Variants in CYB5R4 observed in about 807,000 individuals in gnomAD.
CYB5R4 encodes N-terminal cytochrome b5 and cytochrome b5 oxidoreductase domain-containing protein.
CYB5R4 carries 55 observed loss-of-function variants against 70.2 expected under a neutral mutation model. The ratio of observed to expected loss-of-function variants is 0.78; its 90% CI spans 0.63 to 0.98. The LOEUF (loss-of-function observed/expected upper bound fraction) is 0.98, where lower values mean the gene tolerates loss of function less well. Ranked by LOEUF, CYB5R4 falls within the 50% of genes least tolerant of loss-of-function variation. The probability of loss-of-function intolerance (pLI) is 0.00; values close to 1 mark genes in which losing one functional copy is unlikely to be tolerated. For missense variants in CYB5R4, 562 were observed against 612.6 expected (o/e 0.92, Z 0.87); for synonymous variants, 197 against 199.5 (o/e 0.99, Z 0.11).
In CYB5R4 at chr6:83,961,805, C is replaced by T. The variant is rs2099473393; in HGVS notation, c.*1927C>T. 1 of 151,950 alleles carries T rather than the reference C, an allele frequency of 6.6e-6. No homozygotes were observed. Among genetic ancestry groups the T allele is most frequent in the Non-Finnish European group, 1.5e-5 (1 of 67,982 alleles). The allele number at this position is 151,950 out of a possible 1,614,324, so 9.4% of individuals were successfully genotyped here. On this transcript the variant is annotated 3_prime_UTR_variant, in exon 16 of 16. Transcript: ENST00000369681. The stretch of plus-strand genomic sequence containing the variant: ...GCCTCTTCTTTTTTCTCTCTCCTTT[C>T]CCAAGCAACAGAATCTCCTATTAGT...
At chr6:83,934,522 G>C in intron 10 of CYB5R4, 73 bp from the exon 11 acceptor site, 1 of 1,105,324 alleles carries the variant, frequency 9.0e-7, no homozygotes, top group East Asian at 2.5e-5. Context: ...CTGAGTATAT[G>C]CTTTCTCTTA....
At chr6:83,925,171 A>G (rs1249374008) in intron 10 of CYB5R4, among the ~76,000 whole-genome samples, 1 of 152,148 alleles carries the variant, frequency 6.6e-6, no homozygotes, top group Non-Finnish European at 1.5e-5. Flanking sequence ...ACTTACAATC[A>G]TAGCAGAAGG....
chr6:83,929,457 C>T (rs2099467813), intron 10 of CYB5R4: 1 of 152,140 alleles, frequency 6.6e-6, no homozygotes, highest in Non-Finnish European at 1.5e-5. Flanking sequence ...TCAGAAAGAA[C>T]ATCAATCAGA....
rs1450460966 is a variant in CYB5R4, at chr6:83,864,193, A to T, written c.94A>T (p.Arg32Ter). 1 of 1,606,688 alleles carries T rather than the reference A, an allele frequency of 6.2e-7. No homozygotes were observed. Among genetic ancestry groups the T allele is most frequent in the East Asian group, 2.2e-5 (1 of 44,632 alleles). ...TTTTTAGGTACCTTTAAAACAGGGC[A>T]GAAGCCTTATGGATTGGATTCGACT... ...GRSKVPLKQG[R>*]SLMDWIRLTK... is the part of the protein sequence containing the mutation. Residue 32 changes from arginine to a stop codon, truncating the protein, a stop_gained, in exon 2 of 16, where the codon AGA becomes TGA. Coordinates refer to ENST00000369681, the MANE Select transcript of CYB5R4 (RefSeq NM_016230.4). LOFTEE classifies it high-confidence loss of function.
chr6:83,895,458 G>C (rs1331978707), intron 3 of CYB5R4, among the ~76,000 whole-genome samples: 1 of 152,110 alleles, frequency 6.6e-6, no homozygotes, highest in African/African-American at 2.4e-5. Context: ...GAGCCATTGC[G>C]CCTGGCCTGG....
At position 83,948,621 on chromosome 6, in the gene CYB5R4, A is replaced by G. The variant is rs550673259; in HGVS notation, c.1347-6677A>G. Among the ~76,000 whole-genome samples, 403 of 152,326 alleles carry G rather than the reference A, an allele frequency of 2.6e-3. 1 individual carries two copies. Among genetic ancestry groups the G allele is most frequent in the African/African-American group, 9.2e-3 (382 of 41,566 alleles). ...TTCTTTTAGATAGTTACCTTATAAA[A>G]GCAATTTTGTAAAATTTTATTTTTT... On this transcript the variant is annotated intron_variant, in intron 14 of 15. Coordinates refer to ENST00000369681, the MANE Select transcript of CYB5R4 (RefSeq NM_016230.4).
At chr6:83,876,264 CTG>C (rs953751538) in intron 2 of CYB5R4, among the ~76,000 whole-genome samples, 4 of 152,114 alleles carry the variant, frequency 2.6e-5, no homozygotes, top group African/African-American at 7.2e-5. Context: ...ACTTTGCACA[CTG>C]TGGGGATTGG....
In CYB5R4 at chr6:83,960,575, T is replaced by A. The variant is rs1243137934; in HGVS notation, c.*697T>A. Reference sequence around the variant, plus strand: ...TTAACAGAGCTTGAGAGAGGGAACCTTGACAGCTATTTTTACTCTTAGCCA... The same window carrying A: ...TTAACAGAGCTTGAGAGAGGGAACCATGACAGCTATTTTTACTCTTAGCCA... On this transcript the variant is annotated 3_prime_UTR_variant, in exon 16 of 16. Transcript: ENST00000369681. 1 of 152,178 alleles carries A rather than the reference T, an allele frequency of 6.6e-6. No homozygotes were observed. Among genetic ancestry groups the A allele is most frequent in the Non-Finnish European group, 1.5e-5 (1 of 68,030 alleles). The allele number at this position is 152,178 out of a possible 1,614,324, so 9.4% of individuals were successfully genotyped here.
intron 2 of CYB5R4, among the ~76,000 whole-genome samples, chr6:83,886,677 A>G (rs2099460298): frequency 6.6e-6 from 1 of 152,180 alleles, no homozygotes; most frequent in East Asian, 1.9e-4. Context: ...TTAAATTGTA[A>G]TATCTGTTAT....
rs144837560 is a variant in CYB5R4, at chr6:83,880,862, G to A, written c.230-12660G>A. Among the ~76,000 whole-genome samples the A allele has an allele frequency of 4.6e-5, 7 of 152,174 alleles. No homozygotes were observed. In the East Asian group the frequency reaches 7.7e-4, roughly 17 times the overall value. On this transcript the variant is annotated intron_variant, in intron 2 of 15. Transcript: ENST00000369681. ...CCTGCATTGGCATCAATATTGGGCC[G>A]GTCTACTCTCACTAAGAAGAATCCT...
chr6:83,913,707 A>T (rs1230798090), intron 4 of CYB5R4, among the ~76,000 whole-genome samples: 3 of 152,156 alleles, frequency 2.0e-5, no homozygotes, highest in East Asian at 1.9e-4. Context: ...TTAAGAAATG[A>T]TGTCTTTCCA....
At chr6:83,885,885 T>G (rs1235658547) in intron 2 of CYB5R4, among the ~76,000 whole-genome samples, 2 of 152,080 alleles carry the variant, frequency 1.3e-5, no homozygotes, top group Non-Finnish European at 2.9e-5. Flanking sequence ...TACTTTTAGT[T>G]GTATATACTC....
At chr6:83,894,650 C>A (rs1287142460) in intron 3 of CYB5R4, among the ~76,000 whole-genome samples, 1 of 152,026 alleles carries the variant, frequency 6.6e-6, no homozygotes, top group Non-Finnish European at 1.5e-5. Flanking sequence ...TGACCAGAAG[C>A]CTTACTTATA....
rs2099473645 is a variant in CYB5R4 at position 83,963,640 on chromosome 6, A to G, written c.*3762A>G. 6.6e-6 allele frequency: 1 copy of G among 152,218 alleles called. No homozygotes were observed. Among genetic ancestry groups the G allele is most frequent in the African/African-American group, 2.4e-5 (1 of 41,456 alleles). 9.4% of individuals were successfully genotyped at this position (152,218 alleles called of 1,614,324 possible). A position where few individuals can be genotyped will look rare whatever the true frequency, so the allele number is the denominator to read the frequency against. ...GAATGCCAAAGTGATCTTAAAATTCAAAAATGAGTTTACTTTCTTTGTTAA... is the reference window on the plus strand; with the variant it reads ...GAATGCCAAAGTGATCTTAAAATTCGAAAATGAGTTTACTTTCTTTGTTAA... On this transcript the variant is annotated 3_prime_UTR_variant, in exon 16 of 16. Coordinates refer to ENST00000369681, the MANE Select transcript of CYB5R4 (RefSeq NM_016230.4).
intron 14 of CYB5R4, among the ~76,000 whole-genome samples, chr6:83,943,595 C>T (rs1198181582): frequency 2.0e-5 from 3 of 152,052 alleles, no homozygotes; most frequent in Admixed American, 1.3e-4. Flanking sequence ...AGCAAGGGAA[C>T]ATAACTGGAT....
chr6:83,895,429 A>T (rs1268182451), intron 3 of CYB5R4, among the ~76,000 whole-genome samples: 4 of 152,018 alleles, frequency 2.6e-5, no homozygotes, highest in African/African-American at 9.7e-5. Context: ...GCCGCCCTAA[A>T]TGCTGGGATT....
chr6:83,955,064 A>C (rs992745834), intron 14 of CYB5R4, among the ~76,000 whole-genome samples: 3 of 152,146 alleles, frequency 2.0e-5, no homozygotes, highest in African/African-American at 7.2e-5. Context: ...CAATTTAAAA[A>C]AAAATGCCAA....
At chr6:83,871,759 A>G (rs1328558860) in intron 2 of CYB5R4, among the ~76,000 whole-genome samples, 1 of 152,102 alleles carries the variant, frequency 6.6e-6, no homozygotes, top group Non-Finnish European at 1.5e-5. Context: ...CTCATTTAAT[A>G]TATTGGCATA....
At chr6:83,891,960 G>T (rs1288792953) in intron 2 of CYB5R4, among the ~76,000 whole-genome samples, 1 of 152,154 alleles carries the variant, frequency 6.6e-6, no homozygotes, top group South Asian at 2.1e-4. Context: ...GGACTTGATT[G>T]TAGAGAAAGT....
Sources: allele counts gnomAD v4.1 joint callset (sites outside exome capture counted in the v4.1 genomes callset), GRCh38; gene constraint gnomAD v4.1.1; transcripts MANE v1.5; gene names NCBI Gene and HGNC (gene_info 2026-07-23, HGNC 2026-07-21).